Variants in ZNF609 observed in about 807,000 individuals in gnomAD.
The protein encoded by ZNF609 is zinc finger protein 609.
In ZNF609, 11 loss-of-function variants were observed where a neutral mutation model predicts 109.5. The ratio of observed to expected loss-of-function variants is 0.10; its 90% CI spans 0.06 to 0.17. The LOEUF (loss-of-function observed/expected upper bound fraction) is 0.17, where lower values mean the gene tolerates loss of function less well. ZNF609 is among the 10% of genes least tolerant of loss of function. ZNF609 has a pLI of 1.00. For synonymous variants in ZNF609, 646 were observed against 662.0 expected (o/e 0.98, Z 0.37); for missense variants, 1,559 against 1,772.4 (o/e 0.88, Z 2.16).
chr15:64,618,331 C>T (rs747234704), intron 2 of ZNF609, among the ~76,000 whole-genome samples: 1 of 152,252 alleles, frequency 6.6e-6, no homozygotes, highest in East Asian at 1.9e-4. Flanking sequence ...TGTAGGGTAA[C>T]ATACAGAGGG....
intron 2 of ZNF609, among the ~76,000 whole-genome samples, chr15:64,618,812 A>G (rs1465779670): frequency 6.6e-6 from 1 of 152,022 alleles, no homozygotes; most frequent in African/African-American, 2.4e-5. Flanking sequence ...TCTTCTGCCA[A>G]TGTGTTCCTC....
chr15:64,469,507 T>A (rs1202012653), intron 1 of ZNF609, among the ~76,000 whole-genome samples: 1 of 152,006 alleles, frequency 6.6e-6, no homozygotes, highest in African/African-American at 2.4e-5. Context: ...CATCTTTTTT[T>A]TTTTTATTGC....
intron 2 of ZNF609, among the ~76,000 whole-genome samples, chr15:64,546,811 G>A (rs1335039297): frequency 9.2e-5 from 10 of 108,946 alleles, no homozygotes; most frequent in Admixed American, 2.1e-4. Context: ...TTTTTTTTGA[G>A]ACAGAGTCTC....
chr15:64,486,775 G>A (rs1388526941), intron 1 of ZNF609, among the ~76,000 whole-genome samples: 1 of 151,860 alleles, frequency 6.6e-6, no homozygotes, highest in Non-Finnish European at 1.5e-5. Context: ...GTCACCATGC[G>A]ATGCTAATTT....
chr15:64,596,217 G>A (rs771724090), intron 2 of ZNF609, among the ~76,000 whole-genome samples: 3 of 151,934 alleles, frequency 2.0e-5, no homozygotes, highest in Admixed American at 6.6e-5. Context: ...GCAGCGGCGC[G>A]ATCTCAGCTC....
chr15:64,620,927 T>A (rs1421658877), intron 2 of ZNF609, among the ~76,000 whole-genome samples: 1 of 152,222 alleles, frequency 6.6e-6, no homozygotes, highest in Non-Finnish European at 1.5e-5. Flanking sequence ...TGTAGTAAAT[T>A]ATTCCAGAAT....
At chr15:64,519,333 G>A (rs1203575477) in intron 2 of ZNF609, among the ~76,000 whole-genome samples, 1 of 152,116 alleles carries the variant, frequency 6.6e-6, no homozygotes, top group Non-Finnish European at 1.5e-5. Flanking sequence ...GGTAATTGAT[G>A]CCATAGAAGT....
intron 2 of ZNF609, among the ~76,000 whole-genome samples, chr15:64,619,035 C>A (rs72742963): frequency 5.3e-5 from 8 of 152,174 alleles, no homozygotes; most frequent in Admixed American, 3.9e-4. Flanking sequence ...TCCCTTACCC[C>A]CTTCTGTATC....
chr15:64,623,921 T>C (rs1485620353), intron 3 of ZNF609, among the ~76,000 whole-genome samples: 1 of 152,100 alleles, frequency 6.6e-6, no homozygotes, highest in Non-Finnish European at 1.5e-5. Flanking sequence ...TAAACAGACT[T>C]TCAAACTGTC....
At chr15:64,673,893 T>C in intron 4 of ZNF609, 23 bp from the exon 5 acceptor site, 2 of 1,594,018 alleles carry the variant, frequency 1.3e-6, no homozygotes, top group Non-Finnish European at 1.7e-6. Context: ...AATAATATTC[T>C]GTTGTGTTTA....
chr15:64,573,649 C>T (rs1020234045), intron 2 of ZNF609, among the ~76,000 whole-genome samples: 26 of 152,050 alleles, frequency 1.7e-4, no homozygotes, highest in African/African-American at 5.8e-4. Flanking sequence ...AGGCGTCAGC[C>T]GCTGTGCCTG....
At chr15:64,476,553 C>T (rs941357743) in intron 1 of ZNF609, among the ~76,000 whole-genome samples, 4 of 152,098 alleles carry the variant, frequency 2.6e-5, no homozygotes, top group African/African-American at 9.7e-5. Flanking sequence ...TTCTCTTCTG[C>T]CCAGCAGAGA....
chr15:64,567,724 C>T (rs1205310876), intron 2 of ZNF609, among the ~76,000 whole-genome samples: 11 of 151,556 alleles, frequency 7.3e-5, no homozygotes, highest in Non-Finnish European at 5.9e-5. Context: ...TGCAGTGGCA[C>T]GATCTCGGCT....
chr15:64,576,011 A>C (rs1246969179), intron 2 of ZNF609, among the ~76,000 whole-genome samples: 1 of 152,164 alleles, frequency 6.6e-6, no homozygotes, highest in Non-Finnish European at 1.5e-5. Context: ...CTGAGGCAGG[A>C]GAATGGCACG....
intron 3 of ZNF609, among the ~76,000 whole-genome samples, chr15:64,652,279 C>G (rs1462309349): frequency 1.3e-5 from 2 of 152,140 alleles, no homozygotes; most frequent in Non-Finnish European, 2.9e-5. Context: ...CCACCTCGGC[C>G]TCCCAAAGTG....
At chr15:64,630,098 C>CTTTTTTTTTT (rs773124227) in intron 3 of ZNF609, among the ~76,000 whole-genome samples, 1 of 136,900 alleles carries the variant, frequency 7.3e-6, no homozygotes, top group Non-Finnish European at 1.6e-5. Context: ...TTTCTTTTTT[C>CTTTTTTTTTT]TTTTTTTTTT....
At chr15:64,508,582 G>A (rs1321743208) in intron 2 of ZNF609, among the ~76,000 whole-genome samples, 1 of 151,930 alleles carries the variant, frequency 6.6e-6, no homozygotes, top group Non-Finnish European at 1.5e-5. Flanking sequence ...ATATAAATTA[G>A]TGGGCCCTGT....
intron 1 of ZNF609, among the ~76,000 whole-genome samples, chr15:64,496,820 T>G (rs1397889109): frequency 7.1e-6 from 1 of 141,246 alleles, no homozygotes; most frequent in Non-Finnish European, 1.5e-5. Flanking sequence ...TTTTTCTTTC[T>G]TTTTTTTTTT....
chr15:64,474,141 C>G (rs1353814437), intron 1 of ZNF609, among the ~76,000 whole-genome samples: 1 of 151,590 alleles, frequency 6.6e-6, no homozygotes, highest in Non-Finnish European at 1.5e-5. Flanking sequence ...CTCCTGACCT[C>G]AGGTGATCCT....
Sources: gnomAD v4.1 joint callset for allele counts (sites outside exome capture counted in the v4.1 genomes callset) on GRCh38, gnomAD v4.1.1 for gene constraint, MANE v1.5 for transcripts, NCBI Gene and HGNC (gene_info 2026-07-23, HGNC 2026-07-21) for gene names.